Variants in GLI3 observed in about 807,000 individuals in gnomAD.
GLI3 encodes GLI family zinc finger 3.
A neutral mutation model predicts 100.8 loss-of-function variants in GLI3; 20 were observed. The ratio of observed to expected loss-of-function variants is 0.20; its 90% CI spans 0.14 to 0.29. The LOEUF (loss-of-function observed/expected upper bound fraction) is 0.29. Among genes scored for constraint, GLI3 ranks in the 10% least tolerant of loss-of-function variants. The pLI is 1.00. For missense variants in GLI3, 2,040 were observed against 2,128.5 expected (o/e 0.96, Z 0.82); for synonymous variants, 938 against 860.5 (o/e 1.09, Z -1.58).
At chr7:42,049,857 G>T (rs1784318326) in intron 4 of GLI3, among the ~76,000 whole-genome samples, 1 of 152,210 alleles carries the variant, frequency 6.6e-6, no homozygotes, top group Admixed American at 6.5e-5. Flanking sequence ...ATAGGAAGGG[G>T]AGGCCCTGAT....
Position 42,062,132 on chromosome 7 carries a change from G to C in GLI3, c.474-13436C>G, listed in dbSNP as rs185389640. On this transcript the variant is annotated intron_variant, in intron 4 of 14. Coordinates refer to ENST00000395925, the MANE Select transcript of GLI3 (RefSeq NM_000168.6). ...CAAAAACAGCTTTTTGAGCCTCACT[G>C]TTTCATCTGTCAAATGAGAAGCTTT... is the stretch of plus-strand genomic sequence containing the variant. Among the ~76,000 whole-genome samples, 306 of 152,170 alleles carry C rather than the reference G, an allele frequency of 2.0e-3. 3 individuals carry two copies. Among genetic ancestry groups the C allele is most frequent in the Non-Finnish European group, 5.1e-4 (35 of 68,004 alleles).
upstream of GLI3, among the ~76,000 whole-genome samples, chr7:42,237,289 T>G (rs1788827848): frequency 6.6e-6 from 1 of 151,832 alleles, no homozygotes; most frequent in Admixed American, 6.5e-5. Flanking sequence ...GATCGTGTAA[T>G]CCGATCCCTT....
At chr7:42,112,133 C>A (rs1246235703) in intron 3 of GLI3, among the ~76,000 whole-genome samples, 1 of 152,146 alleles carries the variant, frequency 6.6e-6, no homozygotes, top group Non-Finnish European at 1.5e-5. Context: ...TTTCATCTGC[C>A]GTCTATGATA....
Position 41,965,722 on chromosome 7 carries a change from C to T in GLI3, c.3351G>A (p.Pro1117=), listed in dbSNP as rs368061722. ...GCCCGTGGGGCACTTTGCTGTCGTC[C>T]GGGAGGGCGCTGGGGAAGTGCTGCT... ...GYEQHFPSAL[P]DDSKVPHGPG... The change falls in exon 15 of 15, where the codon CCG becomes CCA. Residue 1117 remains proline (P), a synonymous_variant. Coordinates refer to ENST00000395925, the MANE Select transcript of GLI3 (RefSeq NM_000168.6). 1.1e-4 allele frequency: 175 copies of T among 1,613,536 alleles called. No individual in the cohort carries two copies. Among genetic ancestry groups the T allele is most frequent in the East Asian group, 5.1e-4 (23 of 44,848 alleles).
chr7:42,019,503 A>G (rs1385164970), intron 10 of GLI3, among the ~76,000 whole-genome samples: 1 of 152,238 alleles, frequency 6.6e-6, no homozygotes, highest in Non-Finnish European at 1.5e-5. Context: ...TGTTTTACAT[A>G]ATAAACATAA....
chr7:42,003,466 C>T (rs951994965), intron 10 of GLI3, among the ~76,000 whole-genome samples: 2 of 152,014 alleles, frequency 1.3e-5, no homozygotes, highest in African/African-American at 4.8e-5. Context: ...AAAGAAACCA[C>T]TGATAATAAC....
Position 42,125,538 on chromosome 7 carries a change from C to T in GLI3, c.367+22688G>A, listed in dbSNP as rs982684590. Among the ~76,000 whole-genome samples, 3 of 152,160 alleles carry T rather than the reference C, an allele frequency of 2.0e-5. 1 individual carries two copies. Among genetic ancestry groups the T allele is most frequent in the East Asian group, 3.9e-4 (2 of 5,184 alleles). ...CTGTCCCAGGCATCTTTGAAGGCAA[C>T]GCTAAGCCTCTGATGGATCTGACCT... On this transcript the variant is annotated intron_variant, in intron 3 of 14. Transcript: ENST00000395925.
At chr7:42,105,016 C>T (rs146260380) in intron 3 of GLI3, among the ~76,000 whole-genome samples, 1 of 152,294 alleles carries the variant, frequency 6.6e-6, no homozygotes, top group East Asian at 1.9e-4. Flanking sequence ...TGTGATACTG[C>T]CAGGAACTTT....
chr7:42,213,203 A>G (rs1169864031), intron 2 of GLI3, among the ~76,000 whole-genome samples: 5 of 152,238 alleles, frequency 3.3e-5, no homozygotes, highest in Non-Finnish European at 7.3e-5. Flanking sequence ...GAAACAAGTA[A>G]TATTTGAGAA....
chr7:42,009,051 C>A (rs1349782340), intron 10 of GLI3, among the ~76,000 whole-genome samples: 1 of 152,218 alleles, frequency 6.6e-6, no homozygotes, highest in African/African-American at 2.4e-5. Context: ...CCCAGCCCAG[C>A]AGCACGATTC....
intron 2 of GLI3, among the ~76,000 whole-genome samples, chr7:42,165,326 A>G (rs2128673240): frequency 6.6e-6 from 1 of 152,318 alleles, no homozygotes; most frequent in South Asian, 2.1e-4. Flanking sequence ...TTCTGGTATA[A>G]TACTTACCTA....
At chr7:42,259,242 G>A (rs889239899) in intron 1 of GLI3, among the ~76,000 whole-genome samples, 2 of 152,172 alleles carry the variant, frequency 1.3e-5, no homozygotes, top group African/African-American at 4.8e-5. Flanking sequence ...TTTTGTGTCT[G>A]TGAAGTAAAA....
intron 2 of GLI3, among the ~76,000 whole-genome samples, chr7:42,160,855 A>G (rs987746802): frequency 6.6e-6 from 1 of 152,218 alleles, no homozygotes; most frequent in African/African-American, 2.4e-5. Flanking sequence ...AGGAGGGAAT[A>G]ACTGCTGTTT....
intron 1 of GLI3, among the ~76,000 whole-genome samples, chr7:42,261,200 AACACACACAC>A (rs10524898): frequency 6.8e-6 from 1 of 147,334 alleles, no homozygotes. Context: ...CACACACACA[AACACACACAC>A]ACACACACAC....
chr7:42,179,004 T>C (rs891293206), intron 2 of GLI3, among the ~76,000 whole-genome samples: 3 of 152,110 alleles, frequency 2.0e-5, no homozygotes, highest in South Asian at 2.1e-4. Flanking sequence ...GTGGGCAGTA[T>C]GGCTGGTGAT....
intron 3 of GLI3, among the ~76,000 whole-genome samples, chr7:42,139,996 T>G (rs896487620): frequency 6.6e-6 from 1 of 152,242 alleles, no homozygotes; most frequent in Non-Finnish European, 1.5e-5. Context: ...TCTTGAGCCC[T>G]GTCTTTGCCA....
intron 3 of GLI3, among the ~76,000 whole-genome samples, chr7:42,084,153 T>C (rs1487051236): frequency 6.6e-6 from 1 of 152,218 alleles, no homozygotes; most frequent in Non-Finnish European, 1.5e-5. Context: ...AATTAATTAG[T>C]ATTTTAGACC....
At chr7:42,030,145 A>G (rs1008070551) in intron 7 of GLI3, among the ~76,000 whole-genome samples, 1 of 152,098 alleles carries the variant, frequency 6.6e-6, no homozygotes, top group African/African-American at 2.4e-5. Context: ...CATTACCTGG[A>G]GGCTGCCCAC....
At chr7:42,142,914 C>A (rs907358066) in intron 3 of GLI3, among the ~76,000 whole-genome samples, 2 of 111,840 alleles carry the variant, frequency 1.8e-5, no homozygotes, top group Admixed American at 2.7e-4. Flanking sequence ...ACAGCCTGGG[C>A]GAGAGCAAGA....
Sources: gnomAD v4.1 joint callset for allele counts (sites outside exome capture counted in the v4.1 genomes callset) on GRCh38, gnomAD v4.1.1 for gene constraint, MANE v1.5 for transcripts, NCBI Gene and HGNC (gene_info 2026-07-23, HGNC 2026-07-21) for gene names.